Variants in MACROD2 observed in about 807,000 individuals in gnomAD.
The protein encoded by MACROD2 is ADP-ribose glycohydrolase MACROD2.
MACROD2 carries 36 observed loss-of-function variants against 70.4 expected under a neutral mutation model. That is an observed-to-expected ratio of 0.51 (90% CI 0.39 to 0.68). The LOEUF (loss-of-function observed/expected upper bound fraction) is 0.68, where lower values mean the gene tolerates loss of function less well. MACROD2 is among the 30% of genes least tolerant of loss of function. MACROD2 has a pLI of 0.00. For synonymous variants in MACROD2, 172 were observed against 178.8 expected (o/e 0.96, Z 0.30); for missense variants, 496 against 538.4 (o/e 0.92, Z 0.78).
chr20:15,678,391 G>A (rs565556890), intron 8 of MACROD2, among the ~76,000 whole-genome samples: 25 of 149,952 alleles, frequency 1.7e-4, no homozygotes, highest in Non-Finnish European at 2.7e-4. Context: ...ACGGAGTCTC[G>A]CTCTGTAGCC....
At chr20:14,384,877 T>C (rs556053712) in intron 3 of MACROD2, among the ~76,000 whole-genome samples, 1 of 152,274 alleles carries the variant, frequency 6.6e-6, no homozygotes, top group East Asian at 1.9e-4. Context: ...GGTAGTTCTT[T>C]TCTGAAATCC....
At chr20:14,168,738 T>A (rs560350808) in intron 3 of MACROD2, among the ~76,000 whole-genome samples, 19 of 151,870 alleles carry the variant, frequency 1.3e-4, no homozygotes, top group African/African-American at 3.6e-4. Flanking sequence ...CCCTTGCCTT[T>A]TACCAGGTGG....
At chr20:15,349,526 G>T (rs2078203646) in intron 6 of MACROD2, among the ~76,000 whole-genome samples, 1 of 152,238 alleles carries the variant, frequency 6.6e-6, no homozygotes, top group Middle Eastern at 3.4e-3. Context: ...GGAGGCCAAG[G>T]TGGGTGGATC....
At chr20:14,223,589 C>T (rs1761301604) in intron 3 of MACROD2, among the ~76,000 whole-genome samples, 1 of 151,266 alleles carries the variant, frequency 6.6e-6, no homozygotes, top group South Asian at 2.1e-4. Flanking sequence ...CTCACTGCAA[C>T]CTCTGCCTCC....
chr20:16,048,567 C>T (rs1191554624), intron 17 of MACROD2, among the ~76,000 whole-genome samples: 2 of 152,030 alleles, frequency 1.3e-5, no homozygotes, highest in Non-Finnish European at 2.9e-5. Context: ...TTAATTTGGA[C>T]TGAGATTACT....
At chr20:14,455,843 C>G (rs1035138232) in intron 3 of MACROD2, among the ~76,000 whole-genome samples, 2 of 151,626 alleles carry the variant, frequency 1.3e-5, no homozygotes, top group African/African-American at 4.9e-5. Flanking sequence ...AATCTTCTAG[C>G]TGTACTTTTT....
intron 8 of MACROD2, among the ~76,000 whole-genome samples, chr20:15,674,754 T>TTG (rs3071296): frequency 0.44 from 66,055 of 148,568 alleles, 14,494 homozygotes; most frequent in South Asian, 0.48. Flanking sequence ...TGTGTGTGTG[T>TTG]TGTGTGTGTG....
chr20:14,555,155 G>T (rs1228323541), intron 4 of MACROD2, among the ~76,000 whole-genome samples: 1 of 151,972 alleles, frequency 6.6e-6, no homozygotes, highest in Non-Finnish European at 1.5e-5. Flanking sequence ...AATGCTTGAG[G>T]GGAGGGATAC....
At chr20:14,852,182 A>G (rs2073206337) in intron 5 of MACROD2, among the ~76,000 whole-genome samples, 1 of 152,092 alleles carries the variant, frequency 6.6e-6, no homozygotes. Flanking sequence ...AGACAGGGAA[A>G]GAGCAGTCTG....
intron 6 of MACROD2, among the ~76,000 whole-genome samples, chr20:15,234,010 T>TATATATATATATATATATATATATA (rs1299319044): frequency 2.4e-5 from 1 of 42,500 alleles, no homozygotes; most frequent in African/African-American, 9.6e-5. Context: ...TATATATATA[T>TATATATATATATATATATATATATA]TCTTTTTTTT....
At chr20:14,359,492 G>A (rs2083202612) in intron 3 of MACROD2, among the ~76,000 whole-genome samples, 1 of 152,164 alleles carries the variant, frequency 6.6e-6, no homozygotes, top group South Asian at 2.1e-4. Flanking sequence ...AATGAAATCA[G>A]TATGTCAAAA....
intron 3 of MACROD2, among the ~76,000 whole-genome samples, chr20:14,198,764 C>G (rs141162657): frequency 2.2e-3 from 336 of 152,184 alleles, no homozygotes; most frequent in African/African-American, 7.8e-3. Context: ...CTCTTCCTCT[C>G]TCCTTAAAAC....
intron 15 of MACROD2, among the ~76,000 whole-genome samples, chr20:16,036,627 A>AT (rs1173244756): frequency 6.6e-6 from 1 of 151,974 alleles, no homozygotes; most frequent in Non-Finnish European, 1.5e-5. Context: ...CACAGAGGCC[A>AT]TTTTTGTTTT....
chr20:15,186,812 T>A (rs747395419), intron 5 of MACROD2, among the ~76,000 whole-genome samples: 3 of 152,168 alleles, frequency 2.0e-5, no homozygotes, highest in Non-Finnish European at 2.9e-5. Flanking sequence ...TGTGTCACAC[T>A]CCACTTGCGG....
intron 2 of MACROD2, among the ~76,000 whole-genome samples, chr20:14,032,008 C>T (rs1023320414): frequency 1.2e-4 from 19 of 152,046 alleles, no homozygotes; most frequent in East Asian, 3.9e-4. Context: ...AGTCATGTTG[C>T]GTCTTATGCT....
intron 2 of MACROD2, among the ~76,000 whole-genome samples, chr20:14,043,587 T>C (rs1260351146): frequency 6.6e-6 from 1 of 152,198 alleles, no homozygotes; most frequent in African/African-American, 2.4e-5. Flanking sequence ...GAGCTAATAC[T>C]TATAGACTGA....
intron 2 of MACROD2, among the ~76,000 whole-genome samples, chr20:14,031,896 A>T (rs1185681820): frequency 1.3e-5 from 2 of 152,136 alleles, no homozygotes; most frequent in African/African-American, 2.4e-5. Flanking sequence ...TGAAGAGGCA[A>T]AAACACTATG....
intron 5 of MACROD2, among the ~76,000 whole-genome samples, chr20:15,017,925 C>T (rs2075134148): frequency 6.6e-6 from 1 of 152,232 alleles, no homozygotes. Context: ...CCTCCTTGGC[C>T]TCTGGGCCTG....
chr20:14,501,609 A>G (rs2084915496), intron 4 of MACROD2, among the ~76,000 whole-genome samples: 1 of 152,078 alleles, frequency 6.6e-6, no homozygotes, highest in Admixed American at 6.6e-5. Context: ...TATAATTGGT[A>G]TGTATTATTT....
Sources: gnomAD v4.1 joint callset for allele counts (sites outside exome capture counted in the v4.1 genomes callset) on GRCh38, gnomAD v4.1.1 for gene constraint, MANE v1.5 for transcripts, NCBI Gene and HGNC (gene_info 2026-07-23, HGNC 2026-07-21) for gene names.